DPYD: variants seen among roughly 807,000 people sequenced by gnomAD.
DPYD encodes dihydropyrimidine dehydrogenase [NADP(+)].
A neutral mutation model predicts 116.2 loss-of-function variants in DPYD; 109 were observed. The ratio of observed to expected loss-of-function variants is 0.94; its 90% CI spans 0.80 to 1.10. The LOEUF (loss-of-function observed/expected upper bound fraction) is 1.10, where lower values mean the gene tolerates loss of function less well. DPYD is among the 50% of genes least tolerant of loss of function. DPYD has a pLI of 0.00. For synonymous variants in DPYD, 440 were observed against 432.0 expected (o/e 1.02, Z -0.23); for missense variants, 1,302 against 1,254.5 (o/e 1.04, Z -0.57).
intron 16 of DPYD, among the ~76,000 whole-genome samples, chr1:97,338,952 A>T (rs552294578): frequency 3.8e-4 from 58 of 152,286 alleles, no homozygotes; most frequent in African/African-American, 1.4e-3. Flanking sequence ...GAGACAGAGG[A>T]GAATGTTAGT....
At chr1:97,440,112 C>T (rs1335495113) in intron 14 of DPYD, among the ~76,000 whole-genome samples, 1 of 151,938 alleles carries the variant, frequency 6.6e-6, no homozygotes, top group African/African-American at 2.4e-5. Context: ...CCTGTCTATA[C>T]TAAAACTACA....
chr1:97,843,871 T>C (rs888013705), intron 2 of DPYD, among the ~76,000 whole-genome samples: 4 of 152,318 alleles, frequency 2.6e-5, no homozygotes, highest in East Asian at 1.9e-4. Flanking sequence ...TACAAATATA[T>C]ACTTAAAATA....
chr1:97,659,128 C>G (rs950960935), intron 8 of DPYD, among the ~76,000 whole-genome samples: 2 of 152,164 alleles, frequency 1.3e-5, no homozygotes, highest in Non-Finnish European at 2.9e-5. Context: ...CTCTGGGAAT[C>G]TCTCTATCAC....
At chr1:97,296,422 C>T (rs966060080) in intron 18 of DPYD, among the ~76,000 whole-genome samples, 9 of 151,836 alleles carry the variant, frequency 5.9e-5, no homozygotes, top group African/African-American at 2.2e-4. Context: ...CCAATGTCTA[C>T]ACCTAAAAAA....
intron 19 of DPYD, among the ~76,000 whole-genome samples, chr1:97,205,329 C>CTCCCCCA (rs895549457): frequency 1.4e-4 from 22 of 151,922 alleles, no homozygotes; most frequent in Non-Finnish European, 2.4e-4. Flanking sequence ...TCACCCTCAC[C>CTCCCCCA]TCCCCCATCC....
Position 97,619,408 on chromosome 1 carries a change from G to A in DPYD, c.851-24242C>T, listed in dbSNP as rs184892955. Reference sequence around the variant, plus strand: ...TTGATTCGCTTGTCTTTAGCATGTAGTAATATATAGAGATAACAAGTTAGC... The same window carrying A: ...TTGATTCGCTTGTCTTTAGCATGTAATAATATATAGAGATAACAAGTTAGC... On this transcript the variant is annotated intron_variant, in intron 8 of 22. Coordinates refer to ENST00000370192, the MANE Select transcript of DPYD (RefSeq NM_000110.4). 3.3e-3 allele frequency among the ~76,000 whole-genome samples: 510 copies of A among 152,298 alleles called. 4 individuals carry two copies. The highest frequency in any genetic ancestry group is 0.012 in the African/African-American group (486 of 41,564).
Position 97,670,334 on chromosome 1 carries a change from T to C in DPYD, c.850+8761A>G, listed in dbSNP as rs560658367. Reference sequence around the variant, plus strand: ...GAAGCCCTAATCTCAAACATGATGGTACTTGGAGATGGGGCCTTTGGGATG... The same window carrying C: ...GAAGCCCTAATCTCAAACATGATGGCACTTGGAGATGGGGCCTTTGGGATG... On this transcript the variant is annotated intron_variant, in intron 8 of 22. Transcript: ENST00000370192. Among the ~76,000 whole-genome samples, 5 of 152,288 alleles carry C rather than the reference T, an allele frequency of 3.3e-5. No individual in the cohort carries two copies. The South Asian group carries it at 6.2e-4, about 19-fold the overall frequency.
At chr1:97,329,091 C>T (rs1436419021) in intron 16 of DPYD, among the ~76,000 whole-genome samples, 1 of 152,030 alleles carries the variant, frequency 6.6e-6, no homozygotes, top group Non-Finnish European at 1.5e-5. Flanking sequence ...GTAGGATGAA[C>T]TTAAGCCTAA....
chr1:97,200,074 A>G (rs1659098772), intron 19 of DPYD, among the ~76,000 whole-genome samples: 1 of 152,226 alleles, frequency 6.6e-6, no homozygotes, highest in African/African-American at 2.4e-5. Flanking sequence ...CAAAAGCAGG[A>G]ACACCCTGAG....
intron 13 of DPYD, among the ~76,000 whole-genome samples, chr1:97,503,236 A>T (rs562887503): frequency 6.6e-6 from 1 of 152,106 alleles, no homozygotes; most frequent in African/African-American, 2.4e-5. Flanking sequence ...TCAACAGGAG[A>T]TGTCCAAAAA....
chr1:97,349,315 CTT>C (rs150046527), intron 16 of DPYD, among the ~76,000 whole-genome samples: 30 of 137,530 alleles, frequency 2.2e-4, no homozygotes, highest in East Asian at 1.0e-3. Context: ...AGCAATGATT[CTT>C]TTTTTTTTTT....
chr1:97,594,076 A>G (rs1443191040), intron 9 of DPYD, among the ~76,000 whole-genome samples: 1 of 152,216 alleles, frequency 6.6e-6, no homozygotes, highest in Non-Finnish European at 1.5e-5. Context: ...CCTTGTAAAA[A>G]AAGTAAAATG....
At chr1:97,907,994 G>A (rs926827980) in intron 1 of DPYD, among the ~76,000 whole-genome samples, 1 of 152,012 alleles carries the variant, frequency 6.6e-6, no homozygotes, top group African/African-American at 2.4e-5. Flanking sequence ...CTGGCTGGTT[G>A]ATGCATCACT....
intron 13 of DPYD, among the ~76,000 whole-genome samples, chr1:97,451,432 A>G (rs895095286): frequency 3.9e-5 from 6 of 152,210 alleles, no homozygotes; most frequent in Admixed American, 3.3e-4. Flanking sequence ...GAATTAGTAT[A>G]TTATAAAATA....
At chr1:97,441,881 G>A (rs1028423213) in intron 14 of DPYD, among the ~76,000 whole-genome samples, 1 of 151,990 alleles carries the variant, frequency 6.6e-6, no homozygotes, top group Admixed American at 6.6e-5. Flanking sequence ...ACATTTGCTG[G>A]GCATGACCAA....
At chr1:97,736,911 ACATAG>A (rs1389914257) in intron 4 of DPYD, among the ~76,000 whole-genome samples, 1 of 151,002 alleles carries the variant, frequency 6.6e-6, no homozygotes. Flanking sequence ...GATATAATCT[ACATAG>A]CATATGTACA....
At chr1:97,405,938 C>T (rs137861110) in intron 14 of DPYD, among the ~76,000 whole-genome samples, 9 of 152,248 alleles carry the variant, frequency 5.9e-5, no homozygotes, top group East Asian at 3.9e-4. Flanking sequence ...CCAGAAGCAG[C>T]GGGGGAATTT....
At chr1:97,804,625 CAAT>C (rs1219231660) in intron 3 of DPYD, among the ~76,000 whole-genome samples, 1 of 151,642 alleles carries the variant, frequency 6.6e-6, no homozygotes, top group East Asian at 1.9e-4. Flanking sequence ...ATAGCATACT[CAAT>C]GATACAGAAC....
chr1:97,108,159 T>C lies in DPYD; in HGVS notation c.2623-9527A>G, dbSNP rs543130105. Among the ~76,000 whole-genome samples the C allele has an allele frequency of 2.0e-5, 3 of 152,192 alleles. No homozygotes were observed. In the South Asian group the frequency reaches 6.2e-4, roughly 32 times the overall value. ...TTCATCTTCAAGAAGCAATGCCCCA[T>C]GGGAGGCATCTTGCTGGGGGAGGTA... On this transcript the variant is annotated intron_variant, in intron 20 of 22. Coordinates refer to ENST00000370192, the MANE Select transcript of DPYD (RefSeq NM_000110.4).
Sources: allele counts gnomAD v4.1 joint callset (sites outside exome capture counted in the v4.1 genomes callset), GRCh38; gene constraint gnomAD v4.1.1; transcripts MANE v1.5; gene names NCBI Gene and HGNC (gene_info 2026-07-23, HGNC 2026-07-21).